Variants in OAS1 observed in about 807,000 individuals in gnomAD.
The protein encoded by OAS1 is 2'-5'-oligoadenylate synthase 1.
In OAS1, 24 loss-of-function variants were observed where a neutral mutation model predicts 38.5. That is an observed-to-expected ratio of 0.62 (90% CI 0.45 to 0.88). OAS1 has a LOEUF of 0.88. Ranked by LOEUF, OAS1 falls within the 40% of genes least tolerant of loss-of-function variation. The pLI, the probability that OAS1 is intolerant of heterozygous loss-of-function variation, is 0.00. For missense variants in OAS1, 482 were observed against 493.9 expected (o/e 0.98, Z 0.23); for synonymous variants, 169 against 193.9 (o/e 0.87, Z 1.07).
intron 3 of OAS1, among the ~76,000 whole-genome samples, chr12:112,911,971 C>A (rs991029164): frequency 3.3e-5 from 5 of 152,186 alleles, no homozygotes; most frequent in African/African-American, 9.7e-5. Context: ...CCATTTTACA[C>A]CAAGAGAAAC....
In OAS1 at chr12:112,911,210, G is replaced by A. The variant is rs768335993; in HGVS notation, c.629G>A (p.Arg210His). ...CCCACCAAGCTCAAGAGCCTCATCCGCCTAGTCAAGCACTGGTACCAAAAT... is the reference window on the plus strand; with the variant it reads ...CCCACCAAGCTCAAGAGCCTCATCCACCTAGTCAAGCACTGGTACCAAAAT... Reference protein sequence around the residue: ...QRPTKLKSLIRLVKHWYQNCK... With the variant: ...QRPTKLKSLIHLVKHWYQNCK... The change falls in exon 3 of 6, where the codon CGC becomes CAC. Residue 210 changes from arginine (R) to histidine (H), a missense_variant. By Grantham distance (29) the Arg-to-His change is conservative (BLOSUM62 0). Transcript: ENST00000202917. 16 of 1,613,152 alleles carry A rather than the reference G, an allele frequency of 9.9e-6. No individual in the cohort carries two copies. Among genetic ancestry groups the A allele is most frequent in the African/African-American group, 4.0e-5 (3 of 74,682 alleles).
In OAS1 at chr12:112,917,838, G is replaced by T. The variant is rs555937840; in HGVS notation, c.1038+138G>T. 5.7e-6 allele frequency: 9 copies of T among 1,580,634 alleles called. No individual in the cohort carries two copies. In the African/African-American group the frequency reaches 1.2e-4, roughly 21 times the overall value. On this transcript the variant is annotated intron_variant, in intron 5 of 5. Coordinates refer to ENST00000202917, the MANE Select transcript of OAS1 (RefSeq NM_016816.4). Reference sequence around the variant, plus strand: ...TTATATTCATATAGTGACAGGCTGTGCTCCATATTTTACAGTCATTTTGGT... The same window carrying T: ...TTATATTCATATAGTGACAGGCTGTTCTCCATATTTTACAGTCATTTTGGT...
At position 112,916,520 on chromosome 12, in the gene OAS1, G is replaced by A. The variant is rs1250536755; in HGVS notation, c.666G>A (p.Lys222=). 6.2e-7 allele frequency: 1 copy of A among 1,614,076 alleles called. No individual in the cohort carries two copies. The highest frequency in any genetic ancestry group is 8.5e-7 in the Non-Finnish European group (1 of 1,179,960). The change falls in exon 4 of 6, where the codon AAG becomes AAA. Residue 222 remains lysine (K), a synonymous_variant. Transcript: ENST00000202917. ...TTTCCTCTTCTCAGTGTAAGAAGAA[G>A]CTTGGGAAGCTGCCACCTCAGTATG... ...VKHWYQNCKK[K]LGKLPPQYAL... is the part of the protein sequence containing the mutation.
rs1420859646 is a variant in OAS1, at chr12:112,917,620, G to A, written c.958G>A (p.Ala320Thr). 6.2e-7 allele frequency: 1 copy of A among 1,614,082 alleles called. No homozygotes were observed. Among genetic ancestry groups the A allele is most frequent in the Non-Finnish European group, 8.5e-7 (1 of 1,180,044 alleles). Residue 320 changes from alanine to threonine, a missense_variant, in exon 5 of 6, where the codon GCA becomes ACA. Physicochemically the swap from Ala to Thr is moderately conservative, Grantham distance 58. Coordinates refer to ENST00000202917, the MANE Select transcript of OAS1 (RefSeq NM_016816.4). ...GGDPKGWRQL[A>T]QEAEAWLNYP... ...AGACCCAAAGGGTTGGAGGCAGCTGGCACAAGAGGCTGAGGCCTGGCTGAA... is the reference window on the plus strand; with the variant it reads ...AGACCCAAAGGGTTGGAGGCAGCTGACACAAGAGGCTGAGGCCTGGCTGAA...
intron 6 of OAS1, among the ~76,000 whole-genome samples, chr12:112,931,427 C>A (rs1235281622): frequency 1.3e-5 from 2 of 152,204 alleles, no homozygotes. Flanking sequence ...ATTTCCCTAT[C>A]TCTAAAAGGA....
Position 112,919,760 on chromosome 12 carries a change from C to G in OAS1, c.*207C>G. 6.9e-7 allele frequency: 1 copy of G among 1,449,816 alleles called. No homozygotes were observed. Among genetic ancestry groups the G allele is most frequent in the Non-Finnish European group, 9.1e-7 (1 of 1,095,424 alleles). The allele number at this position is 1,449,816 out of a possible 1,614,324, so 89.8% of individuals were successfully genotyped here. On this transcript the variant is annotated 3_prime_UTR_variant, in exon 6 of 6. Coordinates refer to ENST00000202917, the MANE Select transcript of OAS1 (RefSeq NM_016816.4). ...TCTCCACAGCCTCACTTCATTCCACCTATTCTCTGAAAATATTCCCTGAGA... is the reference window on the plus strand; with the variant it reads ...TCTCCACAGCCTCACTTCATTCCACGTATTCTCTGAAAATATTCCCTGAGA...
intron 3 of OAS1, 34 bp from the exon 4 acceptor site, chr12:112,916,475 C>A (rs1396854823): frequency 1.3e-6 from 2 of 1,585,140 alleles, no homozygotes; most frequent in Non-Finnish European, 1.7e-6. Context: ...GTTGAGCAAA[C>A]CAATTTTTTT....
At chr12:112,911,665 C>G (rs1455255909) in intron 3 of OAS1, among the ~76,000 whole-genome samples, 1 of 152,218 alleles carries the variant, frequency 6.6e-6, no homozygotes, top group Non-Finnish European at 1.5e-5. Flanking sequence ...CTCCCACTTA[C>G]TGGCTGGCTG....
chr12:112,908,970 A>G, intron 2 of OAS1, 146 bp downstream of exon 2: 1 of 811,946 alleles, frequency 1.2e-6, no homozygotes, highest in Non-Finnish European at 1.9e-6. Flanking sequence ...AAGAATGAAT[A>G]CGGTCATGAT....
chr12:112,931,548 T>C (rs1483587451), intron 6 of OAS1, among the ~76,000 whole-genome samples: 6 of 152,198 alleles, frequency 3.9e-5, no homozygotes, highest in African/African-American at 1.2e-4. Flanking sequence ...ATAAATAAAA[T>C]CCATTTTAAT....
intron 5 of OAS1, chr12:112,918,932 G>A (rs1209272731): frequency 3.9e-6 from 1 of 255,960 alleles, no homozygotes; most frequent in Non-Finnish European, 7.9e-6. Context: ...GGATGTTCTG[G>A]GGGAGAGCCA....
chr12:112,928,642 C>A (rs1398009606), intron 6 of OAS1, among the ~76,000 whole-genome samples: 1 of 152,232 alleles, frequency 6.6e-6, no homozygotes, highest in Non-Finnish European at 1.5e-5. Flanking sequence ...ATGGCAGAAG[C>A]ACAAGCGAGT....
chr12:112,907,762 A>C lies in OAS1; in HGVS notation c.180+543A>C, dbSNP rs2043316346. Reference sequence around the variant, plus strand: ...TAGTACCCAAGGTTCTTTGTCCTGCATCCAAGAAAATTAAGGAACATGGAC... The same window carrying C: ...TAGTACCCAAGGTTCTTTGTCCTGCCTCCAAGAAAATTAAGGAACATGGAC... On this transcript the variant is annotated intron_variant, in intron 1 of 5. Coordinates refer to ENST00000202917, the MANE Select transcript of OAS1 (RefSeq NM_016816.4). 3 of 152,806 alleles carry C rather than the reference A, an allele frequency of 2.0e-5. No homozygotes were observed. In the South Asian group the frequency reaches 6.2e-4, roughly 32 times the overall value. 9.5% of individuals were successfully genotyped at this position (152,806 alleles called of 1,614,324 possible). A position where few individuals can be genotyped will look rare whatever the true frequency, so the allele number is the denominator to read the frequency against.
chr12:112,911,352 T>C (rs2043381572), intron 3 of OAS1, 117 bp downstream of exon 3: 2 of 712,698 alleles, frequency 2.8e-6, no homozygotes, highest in Non-Finnish European at 4.2e-6. Flanking sequence ...TGGAGGGAAA[T>C]AGAGGGATGG....
chr12:112,908,853 T>G (rs1281404502), intron 2 of OAS1, 29 bp downstream of exon 2: 2 of 1,538,794 alleles, frequency 1.3e-6, no homozygotes, highest in Non-Finnish European at 1.7e-6. Context: ...TTTTTCTCCC[T>G]CTTCCCATTT....
intron 5 of OAS1, chr12:112,919,140 T>C: frequency 2.2e-6 from 1 of 464,252 alleles, no homozygotes. Flanking sequence ...CGTGGATCAC[T>C]CACTGTGCTT....
chr12:112,928,502 T>C (rs2043574769), intron 6 of OAS1, among the ~76,000 whole-genome samples: 1 of 152,232 alleles, frequency 6.6e-6, no homozygotes, highest in African/African-American at 2.4e-5. Context: ...GGTTGGTTGA[T>C]CCAGGCTGGG....
chr12:112,918,834 C>A (rs894828576), intron 5 of OAS1: 5 of 281,168 alleles, frequency 1.8e-5, no homozygotes, highest in African/African-American at 4.4e-5. Context: ...GATCTTTCCA[C>A]CTCCAAGCAG....
intron 6 of OAS1, among the ~76,000 whole-genome samples, chr12:112,927,227 T>C (rs552232676): frequency 6.6e-5 from 10 of 152,300 alleles, no homozygotes; most frequent in East Asian, 1.9e-4. Context: ...AAGACAGACA[T>C]AGGAAATTAT....
Sources: allele counts gnomAD v4.1 joint callset (sites outside exome capture counted in the v4.1 genomes callset), GRCh38; gene constraint gnomAD v4.1.1; transcripts MANE v1.5; gene names NCBI Gene and HGNC (gene_info 2026-07-23, HGNC 2026-07-21).